The following PCCA variants were observed in gnomAD, a reference collection of about 807,000 sequenced individuals.
PCCA encodes propionyl-CoA carboxylase alpha chain, mitochondrial.
Under a neutral mutation model 101.3 loss-of-function variants are expected in PCCA, and 74 were observed. The observed-to-expected ratio is 0.73, with a 90% CI of 0.61 to 0.89. The LOEUF is 0.89. Ranked by LOEUF, PCCA falls within the 40% of genes least tolerant of loss-of-function variation. The probability of loss-of-function intolerance (pLI) is 0.00; values close to 1 mark genes in which losing one functional copy is unlikely to be tolerated. For synonymous variants in PCCA, 294 were observed against 313.6 expected (o/e 0.94, Z 0.66); for missense variants, 891 against 907.0 (o/e 0.98, Z 0.23).
intron 16 of PCCA, among the ~76,000 whole-genome samples, chr13:100,326,041 G>A (rs559446114): frequency 6.6e-6 from 1 of 152,260 alleles, no homozygotes; most frequent in African/African-American, 2.4e-5. Flanking sequence ...AAGAGAAAAA[G>A]TCTGGAAAGA....
At chr13:100,205,191 C>G (rs1031160902) in intron 6 of PCCA, among the ~76,000 whole-genome samples, 2 of 152,088 alleles carry the variant, frequency 1.3e-5, no homozygotes, top group African/African-American at 4.8e-5. Flanking sequence ...AGAAGAGTAT[C>G]GAAGGTTACT....
At position 100,244,567 on chromosome 13, in the gene PCCA, A is replaced by T. The variant is rs182043426; in HGVS notation, c.637+8689A>T. Among the ~76,000 whole-genome samples, 4 of 152,224 alleles carry T rather than the reference A, an allele frequency of 2.6e-5. No homozygotes were observed. In the East Asian group the frequency reaches 5.8e-4, roughly 22 times the overall value. ...TCTGTTGGAAAAGGCTGTGCATAAC[A>T]TTCAGGCAGGAATGTGGAAACACAT... On this transcript the variant is annotated intron_variant, in intron 8 of 23. Transcript: ENST00000376285.
intron 18 of PCCA, among the ~76,000 whole-genome samples, chr13:100,368,220 A>C: frequency 6.6e-6 from 1 of 152,118 alleles, no homozygotes. Context: ...TTTTTAAAAA[A>C]ACCATTTTGA....
At chr13:100,114,269 G>C (rs1011911369) in intron 4 of PCCA, among the ~76,000 whole-genome samples, 11 of 152,104 alleles carry the variant, frequency 7.2e-5, no homozygotes, top group African/African-American at 2.4e-4. Flanking sequence ...AAAAAATCTA[G>C]TAATTTGATT....
In PCCA at chr13:100,307,215, A is replaced by G; in HGVS notation, c.1308A>G (p.Gln436=). ...LPGVRVDSGI[Q]PGSDISIYYD... Reference sequence around the variant, plus strand: ...AGGTCCGAGTGGACAGTGGCATCCAACCAGGAAGTGATATTAGCATTTATT... The same window carrying G: ...AGGTCCGAGTGGACAGTGGCATCCAGCCAGGAAGTGATATTAGCATTTATT... Residue 436 remains glutamine (Q), a synonymous_variant, in exon 15 of 24, where the codon CAA becomes CAG. Coordinates refer to ENST00000376285, the MANE Select transcript of PCCA (RefSeq NM_000282.4). 6.2e-7 allele frequency: 1 copy of G among 1,611,108 alleles called. No individual in the cohort carries two copies. The highest frequency in any genetic ancestry group is 8.5e-7 in the Non-Finnish European group (1 of 1,177,848).
chr13:100,434,893 T>G (rs2079817962), intron 20 of PCCA, among the ~76,000 whole-genome samples: 1 of 152,194 alleles, frequency 6.6e-6, no homozygotes, highest in Non-Finnish European at 1.5e-5. Flanking sequence ...CCTCCTCAAA[T>G]TAATTTTCCT....
chr13:100,436,479 A>G (rs1199551480), intron 20 of PCCA, among the ~76,000 whole-genome samples: 1 of 152,182 alleles, frequency 6.6e-6, no homozygotes, highest in Non-Finnish European at 1.5e-5. Context: ...GCCACACAGA[A>G]AAGGTGGGTG....
At chr13:100,193,066 C>A (rs1028076885) in intron 6 of PCCA, among the ~76,000 whole-genome samples, 1 of 152,080 alleles carries the variant, frequency 6.6e-6, no homozygotes, top group Admixed American at 6.5e-5. Flanking sequence ...CAAGGCTGTG[C>A]GAGGCAAACC....
intron 5 of PCCA, among the ~76,000 whole-genome samples, chr13:100,155,563 A>G (rs1352194010): frequency 1.3e-5 from 2 of 152,248 alleles, no homozygotes; most frequent in Non-Finnish European, 2.9e-5. Context: ...TGTCAGTAGA[A>G]TGCTCATAAT....
intron 21 of PCCA, among the ~76,000 whole-genome samples, chr13:100,509,809 T>G (rs979522889): frequency 4.7e-5 from 7 of 148,356 alleles, no homozygotes; most frequent in Non-Finnish European, 7.4e-5. Context: ...GTGGTGTGGG[T>G]TTTTTGTTTT....
chr13:100,366,028 T>C (rs990086030), intron 18 of PCCA, among the ~76,000 whole-genome samples: 2 of 152,190 alleles, frequency 1.3e-5, no homozygotes, highest in Non-Finnish European at 2.9e-5. Context: ...TTCTTACTTT[T>C]AAGGCATTGA....
At chr13:100,527,281 C>T (rs755030994) in intron 22 of PCCA, 3 of 473,484 alleles carry the variant, frequency 6.3e-6, no homozygotes, top group Non-Finnish European at 1.3e-5. Context: ...GACTCCCCTT[C>T]CCTCTTCAAC....
intron 6 of PCCA, among the ~76,000 whole-genome samples, chr13:100,194,427 A>G (rs536873587): frequency 6.6e-6 from 1 of 152,128 alleles, no homozygotes; most frequent in African/African-American, 2.4e-5. Context: ...TATTATTATT[A>G]TTATTTTTGA....
chr13:100,316,653 GTT>G (rs965358161), intron 16 of PCCA, among the ~76,000 whole-genome samples: 27 of 152,136 alleles, frequency 1.8e-4, no homozygotes, highest in Non-Finnish European at 1.5e-4. Flanking sequence ...TGATGACAGA[GTT>G]TGGTTCCACC....
At chr13:100,422,070 T>TC (rs1555454058) in intron 19 of PCCA, among the ~76,000 whole-genome samples, 1,315 of 110,694 alleles carry the variant, frequency 0.012, 48 homozygotes, top group African/African-American at 0.044. Flanking sequence ...TTCTCTTTTC[T>TC]TTTCTTTCTT....
chr13:100,456,902 A>T (rs1268886058), intron 21 of PCCA, among the ~76,000 whole-genome samples: 3 of 152,042 alleles, frequency 2.0e-5, no homozygotes, highest in African/African-American at 7.3e-5. Flanking sequence ...TCCCACAAGA[A>T]GCTGGTGGAG....
In PCCA at chr13:100,425,622, T is replaced by C; in HGVS notation, c.1747-11T>C. On this transcript the variant is annotated splice_polypyrimidine_tract_variant and intron_variant, in intron 19 of 23. Coordinates refer to ENST00000376285, the MANE Select transcript of PCCA (RefSeq NM_000282.4). ...TCTTCATGGTAATGGTCTTATTTGG[T>C]GTCACAACAGGTGGAAGTTGATGGG... 1 of 1,578,422 alleles carries C rather than the reference T, an allele frequency of 6.3e-7. No individual in the cohort carries two copies. The highest frequency in any genetic ancestry group is 1.3e-5 in the African/African-American group (1 of 74,426).
intron 10 of PCCA, among the ~76,000 whole-genome samples, chr13:100,266,001 A>C (rs532621502): frequency 3.9e-5 from 6 of 152,306 alleles, no homozygotes; most frequent in African/African-American, 1.4e-4. Context: ...TTAGATATCT[A>C]AGTGTAGATG....
intron 16 of PCCA, among the ~76,000 whole-genome samples, chr13:100,311,560 A>G (rs1198653565): frequency 6.6e-6 from 1 of 152,140 alleles, no homozygotes; most frequent in Non-Finnish European, 1.5e-5. Context: ...ACTTGAGGTC[A>G]GGAGCTCAAG....
Sources: gnomAD v4.1 joint callset for allele counts (sites outside exome capture counted in the v4.1 genomes callset) on GRCh38, gnomAD v4.1.1 for gene constraint, MANE v1.5 for transcripts, NCBI Gene and HGNC (gene_info 2026-07-23, HGNC 2026-07-21) for gene names.